Variants in TNIK observed in about 807,000 individuals in gnomAD.
TNIK encodes the protein TRAF2 and NCK interacting kinase.
TNIK carries 49 observed loss-of-function variants against 191.3 expected under a neutral mutation model. The observed-to-expected ratio is 0.26, with a 90% CI of 0.20 to 0.32. The LOEUF is 0.32. Among genes scored for constraint, TNIK ranks in the 10% least tolerant of loss-of-function variants. TNIK has a pLI of 1.00. For synonymous variants in TNIK, 594 were observed against 600.9 expected, an observed-to-expected ratio of 0.99 and a Z score of 0.17; for missense variants, 1,155 against 1,702.3, an observed-to-expected ratio of 0.68 and a Z score of 5.66.
At chr3:171,438,921 C>G (rs1726388855) in intron 1 of TNIK, among the ~76,000 whole-genome samples, 1 of 152,178 alleles carries the variant, frequency 6.6e-6, no homozygotes, top group Non-Finnish European at 1.5e-5. Context: ...TTTCAGAGTC[C>G]TATGTCCCTC....
intron 22 of TNIK, among the ~76,000 whole-genome samples, chr3:171,099,375 AT>A (rs35357404): frequency 1.7e-3 from 247 of 145,514 alleles, no homozygotes; most frequent in Middle Eastern, 0.011. Flanking sequence ...TTACCTCAGG[AT>A]TTTTTTTTTT....
chr3:171,289,704 C>T (rs1751458704), intron 2 of TNIK, among the ~76,000 whole-genome samples: 2 of 151,984 alleles, frequency 1.3e-5, no homozygotes, highest in South Asian at 4.2e-4. Context: ...GAGTTTGAGA[C>T]CAGCCTGGCC....
chr3:171,194,800 C>T (rs1000004649), intron 4 of TNIK, among the ~76,000 whole-genome samples, 165 bp from the exon 5 acceptor site: 2 of 152,040 alleles, frequency 1.3e-5, no homozygotes, highest in Non-Finnish European at 2.9e-5. Flanking sequence ...TTCATGTACT[C>T]CCAAAATGAT....
intron 9 of TNIK, 87 bp from the exon 10 acceptor site, chr3:171,167,357 CTTTTTT>C: frequency 6.6e-7 from 1 of 1,514,658 alleles, no homozygotes; most frequent in South Asian, 1.3e-5. Flanking sequence ...GGGACTTTTT[CTTTTTT>C]TAAGGTCCAA....
intron 2 of TNIK, among the ~76,000 whole-genome samples, 175 bp from the exon 3 acceptor site, chr3:171,228,396 TC>T (rs933434354): frequency 2.0e-5 from 3 of 152,090 alleles, no homozygotes; most frequent in Admixed American, 2.0e-4. Context: ...TTGTAAAACG[TC>T]CCCAGTCACT....
At chr3:171,399,873 A>G (rs538672122) in intron 1 of TNIK, among the ~76,000 whole-genome samples, 2 of 152,328 alleles carry the variant, frequency 1.3e-5, no homozygotes, top group African/African-American at 4.8e-5. Context: ...AGTATGCTTT[A>G]CTTTTGTATG....
chr3:171,113,175 CT>C (rs1726113612), intron 18 of TNIK, among the ~76,000 whole-genome samples: 2 of 152,180 alleles, frequency 1.3e-5, no homozygotes, highest in Admixed American at 1.3e-4. Flanking sequence ...AATTTCTCTT[CT>C]GTGAATTGCT....
At chr3:171,138,166 G>C (rs1351108986) in intron 15 of TNIK, 25 bp downstream of exon 15, 6 of 1,542,780 alleles carry the variant, frequency 3.9e-6, no homozygotes, top group African/African-American at 1.4e-5. Context: ...TGGCCAACAG[G>C]GTGAGGCTAC....
intron 3 of TNIK, among the ~76,000 whole-genome samples, chr3:171,226,297 G>T (rs1742956644): frequency 6.6e-6 from 1 of 152,142 alleles, no homozygotes; most frequent in African/African-American, 2.4e-5. Context: ...GGGCTCATTT[G>T]TACCCTTCTG....
intron 3 of TNIK, among the ~76,000 whole-genome samples, chr3:171,219,091 AATAT>A (rs1450214078): frequency 1.7e-5 from 2 of 117,720 alleles, no homozygotes; most frequent in East Asian, 7.6e-4. Flanking sequence ...ATTTTATATA[AATAT>A]ATAATTATAA....
intron 12 of TNIK, among the ~76,000 whole-genome samples, chr3:171,145,744 C>A (rs539320166): frequency 6.7e-6 from 1 of 149,948 alleles, no homozygotes; most frequent in South Asian, 2.1e-4. Context: ...AATCCTCATG[C>A]ATATTCCTCA....
chr3:171,157,338 C>A, intron 12 of TNIK, 122 bp downstream of exon 12: 4 of 1,231,010 alleles, frequency 3.2e-6, no homozygotes, highest in Non-Finnish European at 4.5e-6. Flanking sequence ...CCCTTGCAGT[C>A]AACCCCTTTG....
chr3:171,346,315 T>C (rs1332924054), intron 2 of TNIK, among the ~76,000 whole-genome samples: 1 of 152,212 alleles, frequency 6.6e-6, no homozygotes, highest in Non-Finnish European at 1.5e-5. Flanking sequence ...TCACTGAAGC[T>C]GTATTATGTA....
At chr3:171,203,057 G>A (rs1441978873) in intron 4 of TNIK, among the ~76,000 whole-genome samples, 1 of 151,718 alleles carries the variant, frequency 6.6e-6, no homozygotes, top group Non-Finnish European at 1.5e-5. Flanking sequence ...ACTGTTCAAA[G>A]GATTCAGCTA....
intron 3 of TNIK, among the ~76,000 whole-genome samples, chr3:171,219,183 A>C (rs1282951792): frequency 9.5e-6 from 1 of 104,922 alleles, no homozygotes; most frequent in Non-Finnish European, 2.0e-5. Context: ...ATCATTCAAT[A>C]ATCATTTACT....
At chr3:171,402,222 C>T (rs1721039130) in intron 1 of TNIK, among the ~76,000 whole-genome samples, 1 of 152,182 alleles carries the variant, frequency 6.6e-6, no homozygotes, top group Non-Finnish European at 1.5e-5. Flanking sequence ...TTAGAAAGCC[C>T]ATGTGAGGCT....
intron 1 of TNIK, among the ~76,000 whole-genome samples, chr3:171,415,531 C>CA (rs1722935595): frequency 6.6e-6 from 1 of 151,998 alleles, no homozygotes; most frequent in African/African-American, 2.4e-5. Flanking sequence ...GCCAAAAGAA[C>CA]AAAAACAAAT....
intron 2 of TNIK, among the ~76,000 whole-genome samples, chr3:171,345,523 G>A (rs1178383853): frequency 3.9e-5 from 6 of 151,952 alleles, no homozygotes; most frequent in Non-Finnish European, 7.4e-5. Context: ...AGAAGCAGAA[G>A]TATCTATGGT....
chr3:171,171,287 G>T (rs1735249160), intron 9 of TNIK, among the ~76,000 whole-genome samples: 1 of 152,136 alleles, frequency 6.6e-6, no homozygotes, highest in Non-Finnish European at 1.5e-5. Context: ...CTAGTAGAAG[G>T]AATTTCTGAT....
Sources: gnomAD v4.1 joint callset for allele counts (sites outside exome capture counted in the v4.1 genomes callset) on GRCh38, gnomAD v4.1.1 for gene constraint, MANE v1.5 for transcripts, NCBI Gene and HGNC (gene_info 2026-07-23, HGNC 2026-07-21) for gene names.